Variants in SPIRE1 observed in about 807,000 individuals in gnomAD.
SPIRE1 encodes spire type actin nucleation factor 1, also known as protein spire homolog 1.
A neutral mutation model predicts 94.1 loss-of-function variants in SPIRE1; 40 were observed. The ratio of observed to expected loss-of-function variants is 0.43; its 90% confidence interval spans 0.33 to 0.55. SPIRE1 has a LOEUF of 0.55. Among genes scored for constraint, SPIRE1 ranks in the 20% least tolerant of loss-of-function variants. The pLI is 0.06. For synonymous variants in SPIRE1, 376 were observed against 371.7 expected, an observed-to-expected ratio of 1.01 and a Z score of -0.13; for missense variants, 838 against 975.2, an observed-to-expected ratio of 0.86 and a Z score of 1.87.
At chr18:12,458,529 G>A (rs2031633960) in intron 12 of SPIRE1, among the ~76,000 whole-genome samples, 1 of 152,046 alleles carries the variant, frequency 6.6e-6, no homozygotes, top group South Asian at 2.1e-4. Flanking sequence ...CAGGAGAATG[G>A]CGTGAACCCA....
At chr18:12,655,205 G>C (rs1179670778) in intron 1 of SPIRE1, among the ~76,000 whole-genome samples, 1 of 148,888 alleles carries the variant, frequency 6.7e-6, no homozygotes, top group Non-Finnish European at 1.5e-5. Flanking sequence ...AGCAGCCTGG[G>C]CAATACAGCA....
At chr18:12,556,291 A>G (rs1189111458) in intron 2 of SPIRE1, among the ~76,000 whole-genome samples, 1 of 152,242 alleles carries the variant, frequency 6.6e-6, no homozygotes, top group Non-Finnish European at 1.5e-5. Context: ...CATTCTTCAT[A>G]GAAATAGAAA....
chr18:12,472,664 T>C (rs1032430929), intron 10 of SPIRE1, among the ~76,000 whole-genome samples: 4 of 148,264 alleles, frequency 2.7e-5, no homozygotes, highest in African/African-American at 9.9e-5. Context: ...TCACTGTGGT[T>C]GGTCTTTTTT....
At chr18:12,484,900 AAAAT>A (rs879933001) in intron 9 of SPIRE1, among the ~76,000 whole-genome samples, 3 of 152,012 alleles carry the variant, frequency 2.0e-5, no homozygotes, top group African/African-American at 7.2e-5. Flanking sequence ...TCTATTTCCT[AAAAT>A]AAATAAATAA....
chr18:12,472,351 G>C (rs980631023), intron 10 of SPIRE1, among the ~76,000 whole-genome samples: 1 of 149,616 alleles, frequency 6.7e-6, no homozygotes, highest in African/African-American at 2.5e-5. Flanking sequence ...CCATTATAGC[G>C]ACACCATGCC....
intron 2 of SPIRE1, among the ~76,000 whole-genome samples, chr18:12,557,319 A>G (rs573308718): frequency 1.3e-5 from 2 of 152,292 alleles, no homozygotes; most frequent in Admixed American, 6.5e-5. Flanking sequence ...GCTGAGGCCC[A>G]GTGAGAATTT....
At chr18:12,458,575 C>T (rs1305310788) in intron 12 of SPIRE1, among the ~76,000 whole-genome samples, 1 of 152,150 alleles carries the variant, frequency 6.6e-6, no homozygotes, top group Non-Finnish European at 1.5e-5. Flanking sequence ...TATCGCGTCA[C>T]TGCACTCCAG....
At chr18:12,578,728 CT>C (rs2036176601) in intron 2 of SPIRE1, among the ~76,000 whole-genome samples, 1 of 152,178 alleles carries the variant, frequency 6.6e-6, no homozygotes, top group Non-Finnish European at 1.5e-5. Context: ...ATCTCTTACT[CT>C]TTAGTCACCT....
intron 2 of SPIRE1, among the ~76,000 whole-genome samples, chr18:12,593,583 G>C (rs1232653504): frequency 6.6e-6 from 1 of 152,196 alleles, no homozygotes; most frequent in Non-Finnish European, 1.5e-5. Context: ...CACAGGGCTG[G>C]GAAATACAAC....
chr18:12,508,157 A>C (rs1255478060), intron 5 of SPIRE1, among the ~76,000 whole-genome samples: 1 of 152,022 alleles, frequency 6.6e-6, no homozygotes, highest in Non-Finnish European at 1.5e-5. Context: ...AAAAATAAAA[A>C]ATAAAAAAAA....
intron 10 of SPIRE1, among the ~76,000 whole-genome samples, chr18:12,475,543 G>A (rs935303317): frequency 3.9e-5 from 6 of 152,020 alleles, no homozygotes; most frequent in African/African-American, 1.4e-4. Context: ...GAAAAGAATA[G>A]GAGAAGAGTT....
At position 12,535,589 on chromosome 18, in the gene SPIRE1, G is replaced by A; in HGVS notation, c.616C>T (p.His206Tyr). The A allele has an allele frequency of 6.2e-7, 1 of 1,612,712 alleles. No individual in the cohort carries two copies. Among genetic ancestry groups the A allele is most frequent in the Non-Finnish European group, 8.5e-7 (1 of 1,179,104 alleles). ...YRDVMKLCAA[H>Y]LPTESDAPNH... ...GGTGCATCTGATTCAGTAGGGAGAT[G>A]AGCAGCACACAACTATAGAAGGGGA... The change falls in exon 4 of 17, where the codon CAT (histidine) becomes TAT (tyrosine). Residue 206 changes from histidine (H) to tyrosine (Y), a missense_variant. Around this residue, in one of 2 missense-constraint regions of SPIRE1, gnomAD observed 645 missense variants for 804.7 expected, o/e 0.80. Transcript: ENST00000409402.
At chr18:12,655,705 G>GA (rs1157687927) in intron 1 of SPIRE1, among the ~76,000 whole-genome samples, 4 of 149,354 alleles carry the variant, frequency 2.7e-5, no homozygotes, top group Non-Finnish European at 6.0e-5. Context: ...CAAAAAAAAA[G>GA]AAAAAACCCA....
At chr18:12,456,836 A>C (rs560965973) in intron 12 of SPIRE1, among the ~76,000 whole-genome samples, 2 of 152,240 alleles carry the variant, frequency 1.3e-5, no homozygotes, top group East Asian at 3.9e-4. Context: ...CATGGGATAT[A>C]ATCATTTTTC....
chr18:12,530,454 T>G (rs1004367676), intron 4 of SPIRE1, among the ~76,000 whole-genome samples: 1 of 152,254 alleles, frequency 6.6e-6, no homozygotes, highest in South Asian at 2.1e-4. Context: ...CACTGCAGCC[T>G]TAAACTCCCG....
intron 4 of SPIRE1, among the ~76,000 whole-genome samples, chr18:12,533,973 T>G (rs1338069386): frequency 1.5e-5 from 2 of 134,604 alleles, no homozygotes; most frequent in African/African-American, 3.2e-5. Context: ...ACACACAACT[T>G]ATTTATTCTT....
chr18:12,586,711 T>C (rs2036399413), intron 2 of SPIRE1, among the ~76,000 whole-genome samples: 1 of 152,240 alleles, frequency 6.6e-6, no homozygotes, highest in Non-Finnish European at 1.5e-5. Flanking sequence ...AGTCATTTTC[T>C]ACTAGTAAAA....
intron 12 of SPIRE1, among the ~76,000 whole-genome samples, chr18:12,462,322 G>A (rs902328905): frequency 6.6e-6 from 1 of 152,134 alleles, no homozygotes; most frequent in Non-Finnish European, 1.5e-5. Context: ...AATGGACTTA[G>A]TATTCAATAT....
upstream of SPIRE1, chr18:12,661,226 T>G (rs1041978217): frequency 4.7e-6 from 1 of 212,352 alleles, no homozygotes; most frequent in Non-Finnish European, 8.1e-6. Context: ...GGGAATCACT[T>G]GAACCCGGGA....
Sources: gnomAD v4.1 joint callset for allele counts (sites outside exome capture counted in the v4.1 genomes callset) on GRCh38, gnomAD v4.1.1 for gene constraint, gnomAD v4.1.1 regional missense constraint, MANE v1.5 for transcripts, NCBI Gene and HGNC (gene_info 2026-07-23, HGNC 2026-07-21) for gene names.